UBE3D: variants seen among roughly 807,000 people sequenced by gnomAD.
The protein encoded by UBE3D is E3 ubiquitin-protein ligase E3D.
Under a neutral mutation model 49.6 loss-of-function variants are expected in UBE3D, and 48 were observed. The observed-to-expected ratio is 0.97, with a 90% CI of 0.77 to 1.23. The LOEUF (loss-of-function observed/expected upper bound fraction) is 1.23, where lower values mean the gene tolerates loss of function less well. Ranked by LOEUF, UBE3D falls within the 50% of genes most tolerant of loss-of-function variation. The pLI is 0.00. For synonymous variants in UBE3D, 189 were observed against 174.2 expected (o/e 1.08, Z -0.67); for missense variants, 452 against 468.4 (o/e 0.96, Z 0.32).
chr6:82,950,190 A>T (rs1039458916), intron 9 of UBE3D, among the ~76,000 whole-genome samples: 1 of 152,240 alleles, frequency 6.6e-6, no homozygotes, highest in Non-Finnish European at 1.5e-5. Context: ...CAACTGATTA[A>T]AAAATGGGCA....
chr6:82,984,309 G>C (rs1778313348), intron 8 of UBE3D, among the ~76,000 whole-genome samples: 1 of 151,968 alleles, frequency 6.6e-6, no homozygotes, highest in African/African-American at 2.4e-5. Flanking sequence ...TGAACATTTG[G>C]GTTGTTTGAT....
intron 9 of UBE3D, among the ~76,000 whole-genome samples, chr6:82,944,283 A>G (rs193192198): frequency 6.6e-6 from 1 of 152,310 alleles, no homozygotes; most frequent in East Asian, 1.9e-4. Flanking sequence ...CCACAGTATG[A>G]CAGAGAACTG....
At chr6:82,924,968 C>G (rs1015425754) in intron 9 of UBE3D, 1 of 152,224 alleles carries the variant, frequency 6.6e-6, no homozygotes, top group Non-Finnish European at 1.5e-5. Context: ...CAAATTCATT[C>G]AGCTATGTTG....
chr6:82,976,841 A>G (rs1256206694), intron 8 of UBE3D, among the ~76,000 whole-genome samples: 2 of 152,120 alleles, frequency 1.3e-5, no homozygotes, highest in African/African-American at 4.8e-5. Flanking sequence ...TAGGCCGGGC[A>G]CAGTGGCTCA....
At chr6:83,002,470 A>T (rs554195315) in intron 8 of UBE3D, among the ~76,000 whole-genome samples, 15 of 152,200 alleles carry the variant, frequency 9.9e-5, no homozygotes, top group Non-Finnish European at 2.1e-4. Context: ...GGATCACCTG[A>T]GGTCAGAAGT....
At position 82,894,607 on chromosome 6, in the gene UBE3D, C is replaced by A. The variant is rs540782034; in HGVS notation, c.1150-1565G>T. On this transcript the variant is annotated intron_variant, in intron 9 of 9. Transcript: ENST00000369747. Reference sequence around the variant, plus strand: ...CAACTCCCTCTGTCTTTAACCCTCACCTTCCCTTCAAAACTTAATAATAAT... The same window carrying A: ...CAACTCCCTCTGTCTTTAACCCTCAACTTCCCTTCAAAACTTAATAATAAT... Among the ~76,000 whole-genome samples the A allele has an allele frequency of 5.9e-5, 9 of 152,310 alleles. No homozygotes were observed. The East Asian group carries it at 1.4e-3, about 23-fold the overall frequency.
chr6:82,991,428 T>C (rs3118924), intron 8 of UBE3D, among the ~76,000 whole-genome samples: 133,767 of 152,178 alleles, frequency 0.88, 58,846 homozygotes, highest in East Asian at 0.96. Flanking sequence ...CATAAATACC[T>C]GGCATGACTC....
chr6:82,969,718 A>G (rs193267122), intron 8 of UBE3D, among the ~76,000 whole-genome samples: 1 of 152,340 alleles, frequency 6.6e-6, no homozygotes, highest in Admixed American at 6.5e-5. Flanking sequence ...AAAAATGGAA[A>G]GATATACTTA....
At chr6:82,933,162 A>G (rs1774300913) in intron 9 of UBE3D, among the ~76,000 whole-genome samples, 3 of 152,294 alleles carry the variant, frequency 2.0e-5, no homozygotes, top group Middle Eastern at 3.4e-3. Context: ...CTAGGCCTTC[A>G]ACATTATGCA....
chr6:83,017,941 A>G (rs966622511), intron 8 of UBE3D: 2 of 152,236 alleles, frequency 1.3e-5, no homozygotes, highest in Admixed American at 1.3e-4. Flanking sequence ...TCTCTAAGAC[A>G]TGGGCTTTTT....
chr6:82,955,366 A>G lies in UBE3D; in HGVS notation c.1149+1946T>C, dbSNP rs189367740. Among the ~76,000 whole-genome samples, 33 of 152,318 alleles carry G rather than the reference A, an allele frequency of 2.2e-4. 1 individual carries two copies. Among genetic ancestry groups the G allele is most frequent in the African/African-American group, 7.2e-4 (30 of 41,582 alleles). On this transcript the variant is annotated intron_variant, in intron 9 of 9. Coordinates refer to ENST00000369747, the MANE Select transcript of UBE3D (RefSeq NM_198920.3). ...GTTCTATTTCCCCCAATACGCCGTA[A>G]AATCCTTTAAGTCAGAGTCATTTCT...
chr6:83,007,553 T>C (rs1780061800), intron 8 of UBE3D, among the ~76,000 whole-genome samples: 1 of 152,234 alleles, frequency 6.6e-6, no homozygotes, highest in South Asian at 2.1e-4. Context: ...ACTCTTCATA[T>C]TTCCAAAACA....
intron 9 of UBE3D, among the ~76,000 whole-genome samples, chr6:82,898,347 T>A (rs1309939046): frequency 6.6e-6 from 1 of 152,190 alleles, no homozygotes; most frequent in Non-Finnish European, 1.5e-5. Context: ...CAAAGGACTA[T>A]AAATCATTCT....
intron 3 of UBE3D, among the ~76,000 whole-genome samples, chr6:83,045,641 T>C (rs938802000): frequency 1.3e-5 from 2 of 152,160 alleles, no homozygotes; most frequent in African/African-American, 4.8e-5. Context: ...ATTACTATAT[T>C]TTAGTAAACT....
intron 1 of UBE3D, among the ~76,000 whole-genome samples, chr6:83,064,260 T>C (rs1436459049): frequency 6.6e-6 from 1 of 152,230 alleles, no homozygotes; most frequent in African/African-American, 2.4e-5. Flanking sequence ...AGTCTCTTTC[T>C]GTTGCCAGGC....
intron 4 of UBE3D, among the ~76,000 whole-genome samples, chr6:83,038,708 C>A (rs1047770540): frequency 1.3e-5 from 2 of 152,176 alleles, no homozygotes; most frequent in Admixed American, 1.3e-4. Flanking sequence ...CCAAAACCAG[C>A]CACTTCTTGA....
intron 8 of UBE3D, among the ~76,000 whole-genome samples, chr6:82,978,802 A>G (rs1438500274): frequency 2.0e-5 from 3 of 152,248 alleles, no homozygotes; most frequent in Non-Finnish European, 4.4e-5. Context: ...AGGTTCTGAT[A>G]CATTACTCAT....
At chr6:82,916,025 A>G (rs1440953257) in intron 9 of UBE3D, among the ~76,000 whole-genome samples, 1 of 152,254 alleles carries the variant, frequency 6.6e-6, no homozygotes, top group Admixed American at 6.5e-5. Context: ...GAAATGGCAT[A>G]GTCATAGGGA....
chr6:82,965,035 A>G (rs918770486), intron 8 of UBE3D, among the ~76,000 whole-genome samples: 1 of 152,208 alleles, frequency 6.6e-6, no homozygotes, highest in Non-Finnish European at 1.5e-5. Context: ...AGGGATCTTG[A>G]GAGAATTTAA....
Sources: gnomAD v4.1 joint callset for allele counts (sites outside exome capture counted in the v4.1 genomes callset) on GRCh38, gnomAD v4.1.1 for gene constraint, MANE v1.5 for transcripts, NCBI Gene and HGNC (gene_info 2026-07-23, HGNC 2026-07-21) for gene names.